Variants in PPA2 observed in about 807,000 individuals in gnomAD.
PPA2 encodes inorganic pyrophosphatase 2, mitochondrial.
PPA2 carries 48 observed loss-of-function variants against 49.5 expected under a neutral mutation model. The observed-to-expected ratio is 0.97, with a 90% CI of 0.77 to 1.23. The LOEUF (loss-of-function observed/expected upper bound fraction) is 1.23, where lower values mean the gene tolerates loss of function less well. Ranked by LOEUF, PPA2 falls within the 50% of genes most tolerant of loss-of-function variation. The pLI is 0.00. For synonymous variants in PPA2, 131 were observed against 139.9 expected (o/e 0.94, Z 0.45); for missense variants, 429 against 410.1 (o/e 1.05, Z -0.40).
At chr4:105,473,848 A>T (rs562665532) in intron 1 of PPA2, 46 bp downstream of exon 1, 2 of 1,562,634 alleles carry the variant, frequency 1.3e-6, no homozygotes, top group Admixed American at 3.7e-5. Flanking sequence ...TCCCCCACCC[A>T]GGTTTCTCCG....
rs59144523 is a variant in PPA2 at position 105,425,723 on chromosome 4, T to TACACACAC, written c.529-1409_529-1402dup. Reference sequence around the variant, plus strand: ...CAGATTGAGAAAGGACACATGCACATACACACACACACACACACACACACA... The same window carrying TACACACAC: ...CAGATTGAGAAAGGACACATGCACATACACACACACACACACACACACACACACACACA... On this transcript the variant is annotated intron_variant, in intron 6 of 11. Transcript: ENST00000341695. Among the ~76,000 whole-genome samples the TACACACAC allele has an allele frequency of 1.4e-3, 172 of 122,520 alleles. 2 individuals carry two copies. Among genetic ancestry groups the TACACACAC allele is most frequent in the Middle Eastern group, 4.1e-3 (1 of 242 alleles). The allele number at this position is 122,520 out of a possible 152,430, so 80.4% of individuals were successfully genotyped here.
chr4:105,383,331 T>C (rs1442160084), intron 10 of PPA2, among the ~76,000 whole-genome samples: 1 of 152,220 alleles, frequency 6.6e-6, no homozygotes, highest in South Asian at 2.1e-4. Context: ...TCTGTAGATA[T>C]TTTCTATTTT....
intron 10 of PPA2, among the ~76,000 whole-genome samples, chr4:105,377,574 C>T (rs1342641075): frequency 1.3e-5 from 2 of 152,110 alleles, no homozygotes; most frequent in East Asian, 3.9e-4. Flanking sequence ...CTGAAATAAA[C>T]TACATGTAAA....
At chr4:105,471,274 C>T (rs1180999805) in intron 1 of PPA2, among the ~76,000 whole-genome samples, 2 of 152,186 alleles carry the variant, frequency 1.3e-5, no homozygotes, top group African/African-American at 4.8e-5. Flanking sequence ...AGGGTCAGGG[C>T]TGGCACCAAG....
intron 6 of PPA2, among the ~76,000 whole-genome samples, chr4:105,436,207 C>CCA (rs376172810): frequency 2.0e-5 from 3 of 150,954 alleles, no homozygotes; most frequent in African/African-American, 4.8e-5. Context: ...TTTGCAACAG[C>CCA]CACACACACA....
Position 105,399,174 on chromosome 4 carries a change from A to G in PPA2, c.656-10T>C. ...TTAACATCATCAATATCTGTAAAGA[A>G]AAAAACAAAAAGATGTTTTGTTAAG... On this transcript the variant is annotated splice_polypyrimidine_tract_variant and intron_variant, in intron 7 of 11. Coordinates refer to ENST00000341695, the MANE Select transcript of PPA2 (RefSeq NM_176869.3). 2 of 1,582,552 alleles carry G rather than the reference A, an allele frequency of 1.3e-6. No individual in the cohort carries two copies. Among genetic ancestry groups the G allele is most frequent in the African/African-American group, 1.4e-5 (1 of 72,968 alleles).
chr4:105,438,770 T>A (rs1051198133), intron 5 of PPA2, among the ~76,000 whole-genome samples: 2 of 152,166 alleles, frequency 1.3e-5, no homozygotes, highest in Admixed American at 1.3e-4. Context: ...TAAATGGAAC[T>A]GTAGAAGTTC....
intron 10 of PPA2, among the ~76,000 whole-genome samples, chr4:105,373,025 G>T (rs755569954): frequency 3.9e-5 from 6 of 152,154 alleles, no homozygotes; most frequent in Non-Finnish European, 5.9e-5. Flanking sequence ...TTGTTTTAGA[G>T]ATGGAGTCTC....
chr4:105,418,977 T>A (rs901059192), intron 7 of PPA2, among the ~76,000 whole-genome samples: 12 of 152,208 alleles, frequency 7.9e-5, no homozygotes, highest in African/African-American at 2.9e-4. Context: ...AACTTGGTTA[T>A]TTCATAACCA....
chr4:105,430,557 T>C (rs1723749894), intron 6 of PPA2, among the ~76,000 whole-genome samples: 1 of 152,210 alleles, frequency 6.6e-6, no homozygotes, highest in South Asian at 2.1e-4. Flanking sequence ...ATATCAACAC[T>C]ACGTGCATCA....
chr4:105,464,190 G>A (rs567819248), intron 1 of PPA2, among the ~76,000 whole-genome samples: 6 of 152,304 alleles, frequency 3.9e-5, no homozygotes, highest in South Asian at 2.1e-4. Context: ...CTCTTGCATC[G>A]GCGTGACCTG....
chr4:105,440,739 T>C (rs187983012), intron 5 of PPA2, among the ~76,000 whole-genome samples: 45 of 152,328 alleles, frequency 3.0e-4, no homozygotes, highest in Non-Finnish European at 7.4e-5. Flanking sequence ...AAAGACTGTC[T>C]TGACATTAAC....
At chr4:105,431,278 T>C (rs1489783775) in intron 6 of PPA2, among the ~76,000 whole-genome samples, 3 of 152,206 alleles carry the variant, frequency 2.0e-5, no homozygotes, top group African/African-American at 7.2e-5. Context: ...AAAAATCTAC[T>C]TCACATTTAT....
chr4:105,456,631 G>A (rs368047370), intron 2 of PPA2, 50 bp downstream of exon 2: 1 of 1,430,646 alleles, frequency 7.0e-7, no homozygotes, highest in Non-Finnish European at 9.6e-7. Flanking sequence ...GCATCTAATG[G>A]TGATACTGGC....
At chr4:105,423,278 A>C (rs1381695609) in intron 7 of PPA2, 7 of 152,198 alleles carry the variant, frequency 4.6e-5, no homozygotes, top group Admixed American at 3.3e-4. Flanking sequence ...AAGTGCAAAA[A>C]AAGGTACATA....
intron 2 of PPA2, among the ~76,000 whole-genome samples, chr4:105,455,208 G>A (rs1434859299): frequency 6.6e-6 from 1 of 152,172 alleles, no homozygotes; most frequent in African/African-American, 2.4e-5. Context: ...ATGAATAAGT[G>A]AATGCATGCA....
intron 1 of PPA2, among the ~76,000 whole-genome samples, chr4:105,469,288 C>T (rs1723429771): frequency 1.3e-5 from 2 of 152,190 alleles, no homozygotes; most frequent in African/African-American, 4.8e-5. Context: ...TATTGCCAAA[C>T]AGTGGTCAAA....
chr4:105,386,787 A>G (rs1251982204), intron 9 of PPA2, 151 bp from the exon 10 acceptor site: 1 of 634,256 alleles, frequency 1.6e-6, no homozygotes, highest in Non-Finnish European at 2.7e-6. Context: ...AGACAATGAA[A>G]ATTATTGTAT....
intron 10 of PPA2, among the ~76,000 whole-genome samples, chr4:105,376,439 C>T (rs1340040587): frequency 6.6e-6 from 1 of 152,048 alleles, no homozygotes; most frequent in African/African-American, 2.4e-5. Context: ...TTCAAAACAC[C>T]ATCCATTTAG....
Sources: gnomAD v4.1 joint callset for allele counts (sites outside exome capture counted in the v4.1 genomes callset) on GRCh38, gnomAD v4.1.1 for gene constraint, MANE v1.5 for transcripts, NCBI Gene and HGNC (gene_info 2026-07-23, HGNC 2026-07-21) for gene names.